The following KCNH8 variants were observed in gnomAD, a reference collection of about 807,000 sequenced individuals.
KCNH8 encodes voltage-gated delayed rectifier potassium channel KCNH8.
KCNH8 carries 70 observed loss-of-function variants against 103.6 expected under a neutral mutation model. That is an observed-to-expected ratio of 0.68 (90% CI 0.56 to 0.82). The LOEUF (loss-of-function observed/expected upper bound fraction) is 0.82. KCNH8 is among the 40% of genes least tolerant of loss of function. The pLI is 0.00. For missense variants in KCNH8, 1,217 were observed against 1,329.9 expected (o/e 0.92, Z 1.32); for synonymous variants, 498 against 489.4 (o/e 1.02, Z -0.23).
chr3:19,231,553 C>G (rs950839069), intron 1 of KCNH8, among the ~76,000 whole-genome samples: 5 of 151,992 alleles, frequency 3.3e-5, no homozygotes, highest in Non-Finnish European at 5.9e-5. Context: ...GAGATGGCAT[C>G]TTTTTTCCAA....
chr3:19,344,475 TACAA>T (rs2065703269), intron 4 of KCNH8, among the ~76,000 whole-genome samples: 1 of 152,066 alleles, frequency 6.6e-6, no homozygotes, highest in Non-Finnish European at 1.5e-5. Context: ...ATTTAAGAAA[TACAA>T]ACATCAGAGT....
chr3:19,190,494 T>C (rs2063541076), intron 1 of KCNH8, among the ~76,000 whole-genome samples: 1 of 152,022 alleles, frequency 6.6e-6, no homozygotes, highest in Admixed American at 6.6e-5. Flanking sequence ...CAGGTGAAAT[T>C]AATTCGACTG....
At chr3:19,198,881 G>A (rs1056905611) in intron 1 of KCNH8, among the ~76,000 whole-genome samples, 1 of 151,996 alleles carries the variant, frequency 6.6e-6, no homozygotes, top group Non-Finnish European at 1.5e-5. Flanking sequence ...CGAGGTACAT[G>A]TTAGTAAATA....
At chr3:19,180,498 A>G (rs1288240344) in intron 1 of KCNH8, among the ~76,000 whole-genome samples, 5 of 152,178 alleles carry the variant, frequency 3.3e-5, no homozygotes, top group Admixed American at 6.5e-5. Flanking sequence ...GGAATTGCCA[A>G]CGTTATAACA....
intron 11 of KCNH8, among the ~76,000 whole-genome samples, chr3:19,484,617 C>T (rs1290227671): frequency 6.6e-6 from 1 of 152,078 alleles, no homozygotes; most frequent in Non-Finnish European, 1.5e-5. Flanking sequence ...GTTGTGGATC[C>T]AGGCTGGGAT....
chr3:19,449,291 CATATATATAT>C (rs71055066), intron 8 of KCNH8, among the ~76,000 whole-genome samples: 4 of 140,176 alleles, frequency 2.9e-5, no homozygotes, highest in Admixed American at 1.4e-4. Context: ...ACAAGAGTCC[CATATATATAT>C]ATATATATAT....
intron 12 of KCNH8, 125 bp downstream of exon 12, chr3:19,510,526 T>TA: frequency 1.5e-6 from 1 of 685,186 alleles, no homozygotes; most frequent in Non-Finnish European, 2.6e-6. Flanking sequence ...GACTTCCCAA[T>TA]AAGAGATGTG....
chr3:19,389,805 A>G (rs978629998), intron 5 of KCNH8, among the ~76,000 whole-genome samples: 4 of 151,740 alleles, frequency 2.6e-5, no homozygotes, highest in African/African-American at 9.7e-5. Context: ...TTTTTTTTGA[A>G]TTTTAATAGA....
At chr3:19,515,450 C>A (rs781633412) in intron 14 of KCNH8, 22 bp downstream of exon 14, 1 of 1,215,848 alleles carries the variant, frequency 8.2e-7, no homozygotes. Flanking sequence ...ATTTAGTCTT[C>A]TCCTAAGGTA....
intron 7 of KCNH8, among the ~76,000 whole-genome samples, chr3:19,420,819 T>G (rs2066939875): frequency 6.6e-6 from 1 of 152,210 alleles, no homozygotes; most frequent in South Asian, 2.1e-4. Context: ...TTAGAGATAC[T>G]TAAATGAAAA....
rs1240998648 is a variant in KCNH8 at position 19,513,061 on chromosome 3, C to T, written c.2171C>T (p.Ala724Val). ...EEEEEGEEEE[A>V]VSLSPICTRG... ...GAGGAGGAGGGGGAGGAAGAGGAGG[C>T]AGTCTCCCTCTCTCCCATCTGCACA... The change falls in exon 13 of 16, where the codon GCA (alanine) becomes GTA (valine). Residue 724 changes from alanine to valine, a missense_variant. By Grantham distance (64) the Ala-to-Val change is moderately conservative. Coordinates refer to ENST00000328405, the MANE Select transcript of KCNH8 (RefSeq NM_144633.3). 3 of 1,613,536 alleles carry T rather than the reference C, an allele frequency of 1.9e-6. No homozygotes were observed. The highest frequency in any genetic ancestry group is 2.5e-6 in the Non-Finnish European group (3 of 1,179,756).
At chr3:19,182,674 T>C (rs2125203572) in intron 1 of KCNH8, among the ~76,000 whole-genome samples, 1 of 152,176 alleles carries the variant, frequency 6.6e-6, no homozygotes, top group Middle Eastern at 3.4e-3. Context: ...GAGGCCCCAG[T>C]AGTACTAGCT....
intron 11 of KCNH8, among the ~76,000 whole-genome samples, chr3:19,482,554 G>C (rs941693562): frequency 6.6e-6 from 1 of 152,084 alleles, no homozygotes; most frequent in Admixed American, 6.6e-5. Context: ...AAGAAGTACA[G>C]GTAGTAAACA....
intron 4 of KCNH8, among the ~76,000 whole-genome samples, 174 bp from the exon 5 acceptor site, chr3:19,347,551 C>T (rs2065744548): frequency 6.6e-6 from 1 of 152,056 alleles, no homozygotes; most frequent in African/African-American, 2.4e-5. Flanking sequence ...ACAAAGATCT[C>T]TGCTCAGTTT....
In KCNH8 at chr3:19,515,435, T is replaced by A. The variant is rs4130926; in HGVS notation, c.2542+7T>A. The A allele has an allele frequency of 0.049, 69,627 of 1,413,794 alleles. 1,872 individuals carry two copies. The highest frequency in any genetic ancestry group is 0.077 in the South Asian group (5,574 of 72,392). The allele number at this position is 1,413,794 out of a possible 1,614,324, so 87.6% of individuals were successfully genotyped here. On this transcript the variant is annotated splice_region_variant and intron_variant, in intron 14 of 15. Transcript: ENST00000328405. ...ATTTCTCCTCCTCTTGGAGGTAAGATCTATATTTAGTCTTCTCCTAAGGTA... is the reference window on the plus strand; with the variant it reads ...ATTTCTCCTCCTCTTGGAGGTAAGAACTATATTTAGTCTTCTCCTAAGGTA...
At chr3:19,468,916 G>C (rs2067798657) in intron 11 of KCNH8, among the ~76,000 whole-genome samples, 1 of 152,174 alleles carries the variant, frequency 6.6e-6, no homozygotes, top group Admixed American at 6.5e-5. Flanking sequence ...ATTCAAGAAT[G>C]TACTGAAAAG....
At chr3:19,379,592 A>G (rs2066261658) in intron 5 of KCNH8, among the ~76,000 whole-genome samples, 1 of 151,976 alleles carries the variant, frequency 6.6e-6, no homozygotes, top group South Asian at 2.1e-4. Flanking sequence ...GTGAGCTGAG[A>G]TTGTGCCACT....
At chr3:19,507,884 G>C (rs185102937) in intron 11 of KCNH8, among the ~76,000 whole-genome samples, 2 of 152,108 alleles carry the variant, frequency 1.3e-5, no homozygotes, top group African/African-American at 2.4e-5. Context: ...AGGAAAACAC[G>C]GAGCTGCTAC....
intron 2 of KCNH8, among the ~76,000 whole-genome samples, chr3:19,263,429 T>G (rs760651205): frequency 1.3e-5 from 2 of 152,080 alleles, no homozygotes; most frequent in African/African-American, 2.4e-5. Context: ...TCTTCTTCCA[T>G]GTGGAGTTAG....
Sources: gnomAD v4.1 joint callset for allele counts (sites outside exome capture counted in the v4.1 genomes callset) on GRCh38, gnomAD v4.1.1 for gene constraint, MANE v1.5 for transcripts, NCBI Gene and HGNC (gene_info 2026-07-23, HGNC 2026-07-21) for gene names.